Variants in ASTL observed in about 807,000 individuals in gnomAD.
ASTL encodes astacin-like metalloendopeptidase.
ASTL carries 27 observed loss-of-function variants against 36.7 expected under a neutral mutation model. That is an observed-to-expected ratio of 0.73 (90% CI 0.54 to 1.01). The LOEUF (loss-of-function observed/expected upper bound fraction) is 1.01. Among genes scored for constraint, ASTL ranks in the 50% least tolerant of loss-of-function variants. ASTL has a pLI of 0.00. For missense variants in ASTL, 524 were observed against 572.8 expected, an observed-to-expected ratio of 0.91 and a Z score of 0.87; for synonymous variants, 222 against 228.1, an observed-to-expected ratio of 0.97 and a Z score of 0.24.
intron 8 of ASTL, among the ~76,000 whole-genome samples, chr2:96,125,858 C>T (rs1305596030): frequency 6.6e-6 from 1 of 152,130 alleles, no homozygotes; most frequent in Non-Finnish European, 1.5e-5. Flanking sequence ...GCACAAGACT[C>T]CATCTCAACA....
At chr2:96,137,001 C>T (rs970727082) in intron 2 of ASTL, among the ~76,000 whole-genome samples, 5 of 152,292 alleles carry the variant, frequency 3.3e-5, no homozygotes, top group South Asian at 2.1e-4. Flanking sequence ...CCCGCCACCA[C>T]GCCCGGCTAA....
At chr2:96,125,108 C>A (rs1000321758) in intron 8 of ASTL, among the ~76,000 whole-genome samples, 15 of 152,202 alleles carry the variant, frequency 9.9e-5, no homozygotes, top group African/African-American at 3.6e-4. Flanking sequence ...CATCATCCTA[C>A]ACCAGCCCTC....
Position 96,133,437 on chromosome 2 carries a change from A to G in ASTL, c.443T>C (p.Ile148Thr). 1 of 1,607,970 alleles carries G rather than the reference A, an allele frequency of 6.2e-7. No individual in the cohort carries two copies. The highest frequency in any genetic ancestry group is 8.5e-7 in the Non-Finnish European group (1 of 1,174,396). Reference sequence around the variant, plus strand: ...CCCCGGCACTTACCCATACATGGGGATGATGGAAATGAAGTCTCTCTGGTC... The same window carrying G: ...CCCCGGCACTTACCCATACATGGGGGTGATGGAAATGAAGTCTCTCTGGTC... ...YQDQRDFISI[I>T]PMYGCFSSVG... Residue 148 changes from isoleucine (I) to threonine (T), a missense_variant, in exon 5 of 9, where the codon ATC becomes ACC. Ile to Thr is a moderately conservative substitution (Grantham distance 89). Transcript: ENST00000342380.
At position 96,138,459 on chromosome 2, in the gene ASTL, A is replaced by C; in HGVS notation, c.-23T>G. Reference sequence around the variant, plus strand: ...CATGGTAGAGCCCTGCTGCCCCTTCAGCAAACAAGACCAAGCCCCAGCAAG... The same window carrying C: ...CATGGTAGAGCCCTGCTGCCCCTTCCGCAAACAAGACCAAGCCCCAGCAAG... On this transcript the variant is annotated 5_prime_UTR_variant, in exon 1 of 9. Coordinates refer to ENST00000342380, the MANE Select transcript of ASTL (RefSeq NM_001002036.4). 6.2e-7 allele frequency: 1 copy of C among 1,602,010 alleles called. No homozygotes were observed.
intron 2 of ASTL, among the ~76,000 whole-genome samples, chr2:96,135,634 C>G (rs1024059259): frequency 2.0e-5 from 3 of 152,244 alleles, no homozygotes; most frequent in African/African-American, 4.8e-5. Flanking sequence ...TGTCAGCCAC[C>G]CTGTGCGGAC....
chr2:96,136,524 G>C (rs905659010), intron 2 of ASTL, among the ~76,000 whole-genome samples: 1 of 152,228 alleles, frequency 6.6e-6, no homozygotes, highest in Non-Finnish European at 1.5e-5. Context: ...TTCTCCATTG[G>C]TTCTGGTTAC....
At position 96,130,090 on chromosome 2, in the gene ASTL, G is replaced by A. The variant is rs764090414; in HGVS notation, c.693C>T (p.Asp231=). Residue 231 remains aspartate (D), a synonymous_variant, in exon 7 of 9, where the codon GAC becomes GAT. Transcript: ENST00000342380. ...SQSSNMLTPY[D]YSSVMHYGRL... ...TCCCATAGTGCATCACAGAGGAGTA[G>A]TCATAGGGCGTCAGCATGTTGCTGC... 2 of 1,614,084 alleles carry A rather than the reference G, an allele frequency of 1.2e-6. No individual in the cohort carries two copies. Among genetic ancestry groups the A allele is most frequent in the Non-Finnish European group, 1.7e-6 (2 of 1,179,906 alleles).
intron 2 of ASTL, 131 bp downstream of exon 2, chr2:96,137,444 A>T: frequency 8.8e-7 from 1 of 1,136,034 alleles, no homozygotes; most frequent in Non-Finnish European, 1.3e-6. Context: ...TCCATCTCTT[A>T]AAAACCACTT....
chr2:96,128,624 G>A (rs1682108616), intron 8 of ASTL, among the ~76,000 whole-genome samples: 2 of 152,146 alleles, frequency 1.3e-5, no homozygotes, highest in African/African-American at 4.8e-5. Flanking sequence ...TTCTGTTCCA[G>A]CGGGCAATTG....
intron 2 of ASTL, among the ~76,000 whole-genome samples, chr2:96,136,442 C>T (rs182641446): frequency 2.6e-5 from 4 of 152,360 alleles, no homozygotes; most frequent in East Asian, 1.9e-4. Context: ...GGGTAAGGCA[C>T]GGGCAGCCCT....
intron 2 of ASTL, among the ~76,000 whole-genome samples, chr2:96,136,878 T>C (rs1274043338): frequency 6.6e-6 from 1 of 152,212 alleles, no homozygotes; most frequent in Non-Finnish European, 1.5e-5. Context: ...TGTGAGATGC[T>C]CTGTCGCCCA....
At chr2:96,137,987 C>A (rs1477606975) in intron 1 of ASTL, among the ~76,000 whole-genome samples, 2 of 152,192 alleles carry the variant, frequency 1.3e-5, no homozygotes, top group Non-Finnish European at 2.9e-5. Context: ...GCAGGACAGA[C>A]CTCGGGTTCT....
chr2:96,133,395 T>G, intron 5 of ASTL, 30 bp downstream of exon 5: 327 of 1,376,316 alleles, frequency 2.4e-4, no homozygotes, highest in Non-Finnish European at 3.2e-4. Context: ...AGAAGCGAGC[T>G]GAGATACGCA....
chr2:96,134,384 C>G (rs1228171328), intron 3 of ASTL, among the ~76,000 whole-genome samples: 1 of 152,230 alleles, frequency 6.6e-6, no homozygotes, highest in Non-Finnish European at 1.5e-5. Context: ...CCAGCAGCCC[C>G]ACTCCAGCAT....
In ASTL at chr2:96,132,498, C is replaced by G. The variant is rs1682200602; in HGVS notation, c.637+42G>C. 2.0e-6 allele frequency: 3 copies of G among 1,536,614 alleles called. No homozygotes were observed. In the East Asian group the frequency reaches 6.9e-5, roughly 36 times the overall value. On this transcript the variant is annotated intron_variant, in intron 6 of 8. Coordinates refer to ENST00000342380, the MANE Select transcript of ASTL (RefSeq NM_001002036.4). The surrounding 1 kb of genome is among the most constrained non-coding windows in gnomAD (Gnocchi z 5.4). ...CGACTTGGGCCCAAGCCGTGCTGTC[C>G]CCTCCCCGGCACCAGCCTGTCCTGC...
chr2:96,131,084 G>A (rs1057431543), intron 6 of ASTL, among the ~76,000 whole-genome samples: 4 of 152,290 alleles, frequency 2.6e-5, no homozygotes, highest in East Asian at 1.9e-4. Context: ...TGGGGAACCC[G>A]TGTTTTAGCC....
At position 96,132,815 on chromosome 2, in the gene ASTL, G is replaced by C; in HGVS notation, c.456-94C>G. ...CTCCCTCCCCACACAACACAAGATA[G>C]ACAAACTCCCAACAGGCAGGCCCCA... On this transcript the variant is annotated intron_variant, in intron 5 of 8. Coordinates refer to ENST00000342380, the MANE Select transcript of ASTL (RefSeq NM_001002036.4). This position sits in a 1 kb window ranked among gnomAD's most constrained non-coding sequence, Gnocchi z 5.4. 1 of 1,191,482 alleles carries C rather than the reference G, an allele frequency of 8.4e-7. No individual in the cohort carries two copies. The highest frequency in any genetic ancestry group is 1.6e-5 in the South Asian group (1 of 62,512). 73.8% of individuals were successfully genotyped at this position (1,191,482 alleles called of 1,614,324 possible).
chr2:96,138,520 C>T (rs1256635983), upstream of ASTL: 5 of 1,204,486 alleles, frequency 4.2e-6, no homozygotes, highest in Non-Finnish European at 6.0e-6. Flanking sequence ...GCACCACCAC[C>T]CCCTCTTAAA....
chr2:96,125,504 T>G (rs1682047160), intron 8 of ASTL, among the ~76,000 whole-genome samples: 1 of 152,138 alleles, frequency 6.6e-6, no homozygotes, highest in African/African-American at 2.4e-5. Context: ...TTCTCCCCGC[T>G]ATATCCACCC....
Sources: allele counts gnomAD v4.1 joint callset (sites outside exome capture counted in the v4.1 genomes callset), GRCh38; gene constraint gnomAD v4.1.1; non-coding constraint Gnocchi (gnomAD v3.1); transcripts MANE v1.5; gene names NCBI Gene and HGNC (gene_info 2026-07-23, HGNC 2026-07-21).